The following NMNAT2 variants were observed in gnomAD, a reference collection of about 807,000 sequenced individuals.
NMNAT2 encodes nicotinamide/nicotinic acid mononucleotide adenylyltransferase 2.
A neutral mutation model predicts 41.6 loss-of-function variants in NMNAT2; 11 were observed. The observed-to-expected ratio is 0.26, with a 90% CI of 0.17 to 0.44. The LOEUF (loss-of-function observed/expected upper bound fraction) is 0.44. Among genes scored for constraint, NMNAT2 ranks in the 20% least tolerant of loss-of-function variants. The pLI, the probability that NMNAT2 is intolerant of heterozygous loss-of-function variation, is 1.00. For missense variants in NMNAT2, 288 were observed against 407.7 expected (o/e 0.71, Z 2.53); for synonymous variants, 148 against 151.2 (o/e 0.98, Z 0.16).
At chr1:183,386,443 A>T (rs1319856615) in intron 1 of NMNAT2, among the ~76,000 whole-genome samples, 5 of 152,208 alleles carry the variant, frequency 3.3e-5, no homozygotes, top group Admixed American at 3.3e-4. Context: ...AACAAATGCT[A>T]TTTATGCTAA....
Position 183,254,238 on chromosome 1 carries a change from A to G in NMNAT2, c.822-1495T>C, listed in dbSNP as rs1045015604. Among the ~76,000 whole-genome samples, 6 of 152,152 alleles carry G rather than the reference A, an allele frequency of 3.9e-5. No individual in the cohort carries two copies. In the East Asian group the frequency reaches 1.2e-3, roughly 29 times the overall value. On this transcript the variant is annotated intron_variant, in intron 10 of 10. Coordinates refer to ENST00000287713, the MANE Select transcript of NMNAT2 (RefSeq NM_015039.4). ...AAGGGTTCCCTTTCTCCACACCCTC[A>G]TCGACATTTGTTATCTCTTATCTTT...
chr1:183,338,602 A>G (rs1662728827), intron 1 of NMNAT2, among the ~76,000 whole-genome samples: 1 of 152,200 alleles, frequency 6.6e-6, no homozygotes, highest in African/African-American at 2.4e-5. Flanking sequence ...CTTTACATTA[A>G]TGCGTATTAT....
At chr1:183,403,460 T>C (rs1196856469) in intron 1 of NMNAT2, among the ~76,000 whole-genome samples, 1 of 73,562 alleles carries the variant, frequency 1.4e-5, no homozygotes, top group Non-Finnish European at 2.9e-5. Context: ...CCAAAAAAAA[T>C]GGCACTAAAA....
intron 1 of NMNAT2, among the ~76,000 whole-genome samples, chr1:183,380,475 A>G (rs1479768587): frequency 1.3e-5 from 2 of 152,158 alleles, no homozygotes; most frequent in Admixed American, 1.3e-4. Context: ...AATTTTTGTT[A>G]TCCATATAAA....
chr1:183,396,413 C>A (rs1321034970), intron 1 of NMNAT2, among the ~76,000 whole-genome samples: 2 of 152,178 alleles, frequency 1.3e-5, no homozygotes, highest in Non-Finnish European at 2.9e-5. Flanking sequence ...TGATCAGCAG[C>A]TTCCCAATAA....
chr1:183,258,824 C>T (rs1660586674), intron 10 of NMNAT2, among the ~76,000 whole-genome samples: 1 of 152,078 alleles, frequency 6.6e-6, no homozygotes, highest in African/African-American at 2.4e-5. Context: ...AAGAAGACAG[C>T]TTCGACTCCC....
chr1:183,317,613 A>C (rs1305542397), intron 1 of NMNAT2, among the ~76,000 whole-genome samples: 1 of 152,110 alleles, frequency 6.6e-6, no homozygotes, highest in African/African-American at 2.4e-5. Context: ...CCACTCCCTC[A>C]TCACCTACAA....
intron 1 of NMNAT2, among the ~76,000 whole-genome samples, chr1:183,299,899 T>C (rs1034533616): frequency 1.3e-5 from 2 of 152,230 alleles, no homozygotes; most frequent in South Asian, 2.1e-4. Context: ...TATTCTACTA[T>C]AGTTATAGAA....
At chr1:183,386,411 G>A (rs990564315) in intron 1 of NMNAT2, among the ~76,000 whole-genome samples, 1 of 152,066 alleles carries the variant, frequency 6.6e-6, no homozygotes, top group African/African-American at 2.4e-5. Context: ...TGTACCATTT[G>A]GGGGAAGTTA....
chr1:183,410,444 G>A (rs1288593667), intron 1 of NMNAT2, among the ~76,000 whole-genome samples: 1 of 152,112 alleles, frequency 6.6e-6, no homozygotes, highest in African/African-American at 2.4e-5. Flanking sequence ...AAATCACAAT[G>A]GCAGCTCCCT....
intron 1 of NMNAT2, among the ~76,000 whole-genome samples, chr1:183,341,748 C>CAAAAAAAAAAAAAAAAAAAAAAAAAAAA (rs369432128): frequency 2.5e-5 from 2 of 79,790 alleles, no homozygotes; most frequent in African/African-American, 8.8e-5. Context: ...AAAAAAAAAA[C>CAAAAAAAAAAAAAAAAAAAAAAAAAAAA]CTGTTTCCTT....
intron 3 of NMNAT2, among the ~76,000 whole-genome samples, chr1:183,291,043 A>G (rs976915389): frequency 1.3e-5 from 2 of 152,118 alleles, no homozygotes; most frequent in Non-Finnish European, 2.9e-5. Context: ...CAGCCTCCTG[A>G]GTAGCTGAGA....
chr1:183,352,260 A>G (rs1663076081), intron 1 of NMNAT2, among the ~76,000 whole-genome samples: 1 of 152,106 alleles, frequency 6.6e-6, no homozygotes, highest in Admixed American at 6.6e-5. Flanking sequence ...ACACCTTGAC[A>G]TTGGATAAGA....
At position 183,280,185 on chromosome 1, in the gene NMNAT2, T is replaced by A. The variant is rs528551717; in HGVS notation, c.575-1556A>T. Among the ~76,000 whole-genome samples, 41 of 152,276 alleles carry A rather than the reference T, an allele frequency of 2.7e-4. No homozygotes were observed. In the Middle Eastern group the frequency reaches 0.014, roughly 51 times the overall value. ...ATTGCTGACAGGAGCCAGACTAGGC[T>A]TATTTCTCGGATTCTGTTGTTCCTC... On this transcript the variant is annotated intron_variant, in intron 7 of 10. Transcript: ENST00000287713.
intron 1 of NMNAT2, among the ~76,000 whole-genome samples, chr1:183,374,440 C>T (rs554733676): frequency 2.6e-5 from 4 of 152,210 alleles, no homozygotes; most frequent in African/African-American, 4.8e-5. Context: ...TAAACTAGGC[C>T]GGAGTCATAA....
intron 1 of NMNAT2, among the ~76,000 whole-genome samples, chr1:183,346,332 C>T (rs984470073): frequency 2.0e-5 from 3 of 152,154 alleles, no homozygotes; most frequent in African/African-American, 7.2e-5. Flanking sequence ...TCTTGCTCTT[C>T]GATTTCCCAG....
intron 8 of NMNAT2, among the ~76,000 whole-genome samples, chr1:183,265,459 G>A (rs1331140274): frequency 6.6e-6 from 1 of 151,712 alleles, no homozygotes; most frequent in African/African-American, 2.4e-5. Flanking sequence ...TAGATACAGG[G>A]TTTCACCATG....
intron 1 of NMNAT2, among the ~76,000 whole-genome samples, chr1:183,324,994 G>C (rs1662432376): frequency 6.6e-6 from 1 of 152,160 alleles, no homozygotes. Flanking sequence ...GGTGGATGTG[G>C]GTTCATGACA....
intron 1 of NMNAT2, among the ~76,000 whole-genome samples, chr1:183,354,809 C>T (rs184298789): frequency 6.6e-6 from 1 of 152,318 alleles, no homozygotes; most frequent in Non-Finnish European, 1.5e-5. Context: ...TTACCTACTT[C>T]TCTCAATCAC....
Sources: gnomAD v4.1 joint callset for allele counts (sites outside exome capture counted in the v4.1 genomes callset) on GRCh38, gnomAD v4.1.1 for gene constraint, MANE v1.5 for transcripts, NCBI Gene and HGNC (gene_info 2026-07-23, HGNC 2026-07-21) for gene names.